RNASEL: variants seen among roughly 807,000 people sequenced by gnomAD.
RNASEL encodes ribonuclease L.
In RNASEL, 36 loss-of-function variants were observed where a neutral mutation model predicts 50.9. The ratio of observed to expected loss-of-function variants is 0.71; its 90% CI spans 0.54 to 0.93. The LOEUF (loss-of-function observed/expected upper bound fraction) is 0.93. RNASEL is among the 40% of genes least tolerant of loss of function. The pLI is 0.00. For synonymous variants in RNASEL, 335 were observed against 335.6 expected, an observed-to-expected ratio of 1.00 and a Z score of 0.02; for missense variants, 860 against 894.5, an observed-to-expected ratio of 0.96 and a Z score of 0.49.
Position 182,575,328 on chromosome 1 carries a change from G to T in RNASEL, c.*64C>A. On this transcript the variant is annotated 3_prime_UTR_variant, in exon 7 of 7. Transcript: ENST00000367559. The stretch of plus-strand genomic sequence containing the variant: ...CCTGGTGAGTTAAAAGGCCCAGAAT[G>T]TTGTGATTTGCCAAGGACTCTACAG... The T allele has an allele frequency of 6.5e-7, 1 of 1,544,454 alleles. No homozygotes were observed. The highest frequency in any genetic ancestry group is 8.9e-7 in the Non-Finnish European group (1 of 1,117,866).
At chr1:182,578,960 G>C (rs1414867954) in intron 5 of RNASEL, 1 of 152,442 alleles carries the variant, frequency 6.6e-6, no homozygotes, top group East Asian at 1.9e-4. Flanking sequence ...ATTATTTTAA[G>C]TGAAATGACT....
intron 4 of RNASEL, 84 bp downstream of exon 4, chr1:182,581,969 T>C: frequency 2.4e-6 from 3 of 1,248,152 alleles, no homozygotes; most frequent in South Asian, 2.4e-5. Flanking sequence ...CTGGGTCTCC[T>C]GATTTGCAGC....
In RNASEL at chr1:182,585,453, C is replaced by A. The variant is rs375300237; in HGVS notation, c.1354G>T (p.Asp452Tyr). ...AATTCATCTTCCTCATTTTCCACAT[C>A]TTCCCCTCTGTGCACATCCAAACAC... ...EACLDVHRGEDVENEEDEFAR... is the reference protein window; with the variant it reads ...EACLDVHRGEYVENEEDEFAR... The change falls in exon 2 of 7, where the codon GAT becomes TAT. Residue 452 changes from aspartate to tyrosine, a missense_variant. Transcript: ENST00000367559. 2 of 1,614,068 alleles carry A rather than the reference C, an allele frequency of 1.2e-6. No homozygotes were observed. Among genetic ancestry groups the A allele is most frequent in the Non-Finnish European group, 1.7e-6 (2 of 1,180,044 alleles).
chr1:182,585,979 T>C lies in RNASEL; in HGVS notation c.828A>G (p.Ala276=). 1.9e-6 allele frequency: 3 copies of C among 1,614,142 alleles called. No homozygotes were observed. The highest frequency in any genetic ancestry group is 1.7e-6 in the Non-Finnish European group (2 of 1,180,034). Residue 276 remains alanine, a synonymous_variant, in exon 2 of 7, where the codon GCA becomes GCG. Transcript: ENST00000367559. ...GTTTGAGTTCAACAGCAAGCAGCAGTGCTGTTTTGCCATCACTGTCTGTGT... is the reference window on the plus strand; with the variant it reads ...GTTTGAGTTCAACAGCAAGCAGCAGCGCTGTTTTGCCATCACTGTCTGTGT... The part of the protein sequence containing the change: ...INDTDSDGKT[A]LLLAVELKLK...
intron 3 of RNASEL, among the ~76,000 whole-genome samples, chr1:182,583,282 C>G (rs939226984): frequency 5.9e-5 from 9 of 152,218 alleles, no homozygotes; most frequent in African/African-American, 1.9e-4. Flanking sequence ...CAACTCCACA[C>G]CGACCCAAGC....
At chr1:182,575,683 A>G in intron 6 of RNASEL, 105 bp from the exon 7 acceptor site, 2 of 1,400,872 alleles carry the variant, frequency 1.4e-6, no homozygotes, top group Non-Finnish European at 2.0e-6. Flanking sequence ...TTTCTATTGC[A>G]GAATGAATAA....
Position 182,586,968 on chromosome 1 carries a change from C to T in RNASEL, c.-162G>A. ...CAATGTTCTCAGTCTTCTGACATTCCACCTGGCAACGAAGAGAGGTGCTTT... is the reference window on the plus strand; with the variant it reads ...CAATGTTCTCAGTCTTCTGACATTCTACCTGGCAACGAAGAGAGGTGCTTT... On this transcript the variant is annotated splice_region_variant and 5_prime_UTR_variant, in exon 2 of 7. Transcript: ENST00000367559. 1.2e-6 allele frequency: 1 copy of T among 865,098 alleles called. No individual in the cohort carries two copies. The highest frequency in any genetic ancestry group is 1.8e-6 in the Non-Finnish European group (1 of 544,832). The allele number at this position is 865,098 out of a possible 1,614,324, so 53.6% of individuals were successfully genotyped here.
At chr1:182,581,405 C>G (rs778498583) in intron 4 of RNASEL, 48 bp from the exon 5 acceptor site, 12 of 1,612,076 alleles carry the variant, frequency 7.4e-6, no homozygotes, top group Non-Finnish European at 1.0e-5. Context: ...CCCATCCCTC[C>G]CTTTCCTTTT....
chr1:182,576,188 C>T, intron 6 of RNASEL, 68 bp downstream of exon 6: 1 of 1,522,616 alleles, frequency 6.6e-7, no homozygotes, highest in Non-Finnish European at 9.0e-7. Flanking sequence ...TAGATATAAA[C>T]TTAGAATTGG....
At position 182,582,088 on chromosome 1, in the gene RNASEL, G is replaced by T. The variant is rs767988002; in HGVS notation, c.1737C>A (p.Asp579Glu). 1 of 1,614,218 alleles carries T rather than the reference G, an allele frequency of 6.2e-7. No homozygotes were observed. The highest frequency in any genetic ancestry group is 1.7e-5 in the Admixed American group (1 of 60,032). The change falls in exon 4 of 7, where the codon GAC (aspartate) becomes GAA (glutamate). Residue 579 changes from aspartate to glutamate, a missense_variant. Asp to Glu is a conservative substitution (Grantham distance 45, BLOSUM62 2). Transcript: ENST00000367559. ...PGEHVRDCLSDLLGHPFFWTW... is the reference protein window; with the variant it reads ...PGEHVRDCLSELLGHPFFWTW... ...TCCAAAAGAAGGGATGACCCAGCAG[G>T]TCACTCAGACAGTCCCTCACATGTT...
Position 182,586,436 on chromosome 1 carries a change from TA to T in RNASEL, c.370del (p.Tyr124MetfsTer18), listed in dbSNP as rs2102371933. ...KGADVNECDF[Y>X]GFTAFMEAAV... ...GGCTTCCATGAAGGCTGTGAAGCCA[TA>T]AAAATCACACTCATTGACATCTGCT... is the stretch of plus-strand genomic sequence containing the variant. On this transcript the variant is annotated frameshift_variant, in exon 2 of 7. Coordinates refer to ENST00000367559, the MANE Select transcript of RNASEL (RefSeq NM_021133.4). LOFTEE classifies it high-confidence loss of function. 1 of 1,614,162 alleles carries T rather than the reference TA, an allele frequency of 6.2e-7. No individual in the cohort carries two copies. The highest frequency in any genetic ancestry group is 8.5e-7 in the Non-Finnish European group (1 of 1,180,024).
rs771325514 is a variant in RNASEL, at chr1:182,582,270, C to G, written c.1567-12G>C. On this transcript the variant is annotated splice_polypyrimidine_tract_variant and intron_variant, in intron 3 of 6. Transcript: ENST00000367559. ...AGCCGTCCAAGGTCCTGCACAAAAG[C>G]CATAAATCAAGCCAAAGATGCTTAC... The G allele has an allele frequency of 2.3e-5, 37 of 1,614,086 alleles. No individual in the cohort carries two copies. The highest frequency in any genetic ancestry group is 3.1e-5 in the Non-Finnish European group (36 of 1,179,944).
At chr1:182,585,268 T>C (rs12742422) in intron 2 of RNASEL, 59 bp downstream of exon 2, 17,928 of 1,558,776 alleles carry the variant, frequency 0.012, 144 homozygotes, top group Non-Finnish European at 0.013. Context: ...GAAAAACTTT[T>C]CCTATCATAA....
At chr1:182,582,634 C>T (rs551434190) in intron 3 of RNASEL, among the ~76,000 whole-genome samples, 2 of 152,208 alleles carry the variant, frequency 1.3e-5, no homozygotes, top group South Asian at 4.2e-4. Context: ...GGGTCTGAGG[C>T]TATGTCACGC....
chr1:182,578,268 C>T (rs1335797132), intron 5 of RNASEL: 4 of 152,132 alleles, frequency 2.6e-5, no homozygotes, highest in Admixed American at 1.3e-4. Context: ...TTACAAGGAA[C>T]TCAAACAACT....
At chr1:182,577,364 T>C (rs1045951147) in intron 5 of RNASEL, among the ~76,000 whole-genome samples, 1 of 152,180 alleles carries the variant, frequency 6.6e-6, no homozygotes, top group African/African-American at 2.4e-5. Context: ...TTCATTATAC[T>C]ATACAATATT....
Position 182,586,632 on chromosome 1 carries a change from C to T in RNASEL, c.175G>A (p.Gly59Ser), listed in dbSNP as rs151296858. The T allele has an allele frequency of 3.6e-3, 5,846 of 1,613,410 alleles. 19 individuals carry two copies. Among genetic ancestry groups the T allele is most frequent in the Middle Eastern group, 5.3e-3 (32 of 6,056 alleles). The change falls in exon 2 of 7, where the codon GGC becomes AGC. Residue 59 changes from glycine to serine, a missense_variant. Gly to Ser is a moderately conservative substitution (Grantham distance 56). Transcript: ENST00000367559. The part of the protein sequence containing the change: ...ANVNFQEEEG[G>S]WTPLHNAVQM... ...ACTGCGTTATGCAGAGGTGTCCAGC[C>T]CCCTTCCTCTTCCTGGAAATTAACA...
rs186718514 is a variant in RNASEL at position 182,584,065 on chromosome 1, G to A, written c.1566+16C>T. 1.3e-5 allele frequency: 21 copies of A among 1,583,402 alleles called. No homozygotes were observed. The highest frequency in any genetic ancestry group is 1.2e-4 in the South Asian group (11 of 90,490). Reference sequence around the variant, plus strand: ...GAAGCAGAAAGAAGAAAGGTAAACTGGATTGTAGAATTTACCTCTAGATCT... The same window carrying A: ...GAAGCAGAAAGAAGAAAGGTAAACTAGATTGTAGAATTTACCTCTAGATCT... On this transcript the variant is annotated intron_variant, in intron 3 of 6. Coordinates refer to ENST00000367559, the MANE Select transcript of RNASEL (RefSeq NM_021133.4).
At chr1:182,580,541 C>T (rs1661472848) in intron 5 of RNASEL, among the ~76,000 whole-genome samples, 2 of 152,246 alleles carry the variant, frequency 1.3e-5, no homozygotes, top group African/African-American at 2.4e-5. Context: ...CCCACAGGGA[C>T]ACATTGTATT....
Sources: allele counts gnomAD v4.1 joint callset (sites outside exome capture counted in the v4.1 genomes callset), GRCh38; gene constraint gnomAD v4.1.1; transcripts MANE v1.5; gene names NCBI Gene and HGNC (gene_info 2026-07-23, HGNC 2026-07-21).